The following PTGER3 variants were observed in gnomAD, a reference collection of about 807,000 sequenced individuals.
The protein encoded by PTGER3 is prostaglandin E receptor 3.
In PTGER3, 22 loss-of-function variants were observed where a neutral mutation model predicts 34.7. The ratio of observed to expected loss-of-function variants is 0.63; its 90% CI spans 0.45 to 0.91. The LOEUF (loss-of-function observed/expected upper bound fraction) is 0.91. Ranked by LOEUF, PTGER3 falls within the 40% of genes least tolerant of loss-of-function variation. The pLI is 0.00. For missense variants in PTGER3, 468 were observed against 519.4 expected, an observed-to-expected ratio of 0.90 and a Z score of 0.96; for synonymous variants, 241 against 230.1, an observed-to-expected ratio of 1.05 and a Z score of -0.43.
intron 4 of PTGER3, among the ~76,000 whole-genome samples, chr1:70,864,031 A>G (rs1645987737): frequency 6.6e-6 from 1 of 152,138 alleles, no homozygotes; most frequent in Non-Finnish European, 1.5e-5. Context: ...TTCTTTACAG[A>G]AATCGGGTAG....
At chr1:70,959,743 T>G (rs961624470) in intron 2 of PTGER3, among the ~76,000 whole-genome samples, 2 of 152,144 alleles carry the variant, frequency 1.3e-5, no homozygotes, top group East Asian at 3.9e-4. Context: ...TTTATTCAAT[T>G]TTTTAAACAC....
chr1:70,932,995 T>C (rs1648862987), intron 4 of PTGER3, among the ~76,000 whole-genome samples: 1 of 152,148 alleles, frequency 6.6e-6, no homozygotes, highest in African/African-American at 2.4e-5. Context: ...CTATACTAAA[T>C]TATATCAGTA....
chr1:70,941,298 C>T (rs1649740096), intron 4 of PTGER3, among the ~76,000 whole-genome samples: 1 of 151,994 alleles, frequency 6.6e-6, no homozygotes, highest in Non-Finnish European at 1.5e-5. Context: ...ATGGCTAAAC[C>T]ACTGCTTTCA....
At chr1:70,934,137 C>T (rs1317118220) in intron 4 of PTGER3, among the ~76,000 whole-genome samples, 1 of 152,104 alleles carries the variant, frequency 6.6e-6, no homozygotes, top group Admixed American at 6.6e-5. Flanking sequence ...ATTATCTTGA[C>T]AATATTGTAA....
In PTGER3 at chr1:70,938,815, A is replaced by T. The variant is rs118174190; in HGVS notation, c.*23+14948T>A. ...TCTCACATTAGGCTCCTTCCACAAC[A>T]GGTGGGAATTCTGGGAGATACAAGT... On this transcript the variant is annotated intron_variant, in intron 4 of 4. Transcript: ENST00000370931. Among the ~76,000 whole-genome samples, 250 of 152,312 alleles carry T rather than the reference A, an allele frequency of 1.6e-3. 2 individuals are homozygous for T. The East Asian group carries it at 0.029, about 17-fold the overall frequency.
intron 2 of PTGER3, among the ~76,000 whole-genome samples, chr1:70,989,529 G>A (rs1470651691): frequency 6.6e-6 from 1 of 152,080 alleles, no homozygotes. Flanking sequence ...TGAGCTACAT[G>A]TATGCAAATA....
intron 2 of PTGER3, among the ~76,000 whole-genome samples, chr1:70,976,792 G>A (rs1354710223): frequency 6.6e-6 from 1 of 152,096 alleles, no homozygotes; most frequent in Admixed American, 6.6e-5. Context: ...GACCTGTCCT[G>A]AAAGTATAAG....
exon 4 of PTGER3, chr1:70,952,857 A>G: frequency 3.9e-6 from 6 of 1,527,368 alleles, no homozygotes; most frequent in Non-Finnish European, 5.3e-6. Context: ...ACTCAGCTGG[A>G]GGAGCTTGCT....
chr1:71,010,644 G>A, intron 2 of PTGER3: 1 of 984,344 alleles, frequency 1.0e-6, no homozygotes, highest in Non-Finnish European at 1.2e-6. Flanking sequence ...TATACCCAAT[G>A]AGATGACCTA....
chr1:70,905,093 G>C (rs556872628), intron 4 of PTGER3, among the ~76,000 whole-genome samples: 8 of 152,258 alleles, frequency 5.3e-5, no homozygotes, highest in Non-Finnish European at 1.2e-4. Flanking sequence ...GAGGGTACAA[G>C]CTCCAAGCCT....
intron 2 of PTGER3, among the ~76,000 whole-genome samples, chr1:70,979,663 C>T (rs987376768): frequency 8.5e-5 from 13 of 152,124 alleles, no homozygotes; most frequent in African/African-American, 7.2e-5. Flanking sequence ...AGAATTCAAA[C>T]TGCCTGGAGA....
chr1:70,952,376 C>A (rs534316055), downstream of PTGER3: 99 of 971,334 alleles, frequency 1.0e-4, 2 homozygotes, highest in African/African-American at 1.6e-3. Context: ...TTTGTTAATT[C>A]AAGGTTAATG....
rs76782548 is a variant in PTGER3, at chr1:70,944,341, T to C, written c.*23+9422A>G. 1.9e-3 allele frequency among the ~76,000 whole-genome samples: 285 copies of C among 152,182 alleles called. 1 individual carries two copies. Among genetic ancestry groups the C allele is most frequent in the African/African-American group, 6.4e-3 (267 of 41,526 alleles). On this transcript the variant is annotated intron_variant, in intron 4 of 4. Coordinates refer to the PTGER3 transcript ENST00000370931. ...CAAAGCAATTTTTTTACCACTGAAA[T>C]TTCTCAAATAGTAAAGACAACAGCT... is the stretch of plus-strand genomic sequence containing the variant.
At chr1:71,012,245 TA>T (rs1657507168) in intron 2 of PTGER3, 59 bp downstream of exon 2, 1 of 1,613,738 alleles carries the variant, frequency 6.2e-7, no homozygotes, top group Non-Finnish European at 8.5e-7. Context: ...TTTCATTAGA[TA>T]ATGAGATAGG....
intron 1 of PTGER3, among the ~76,000 whole-genome samples, chr1:71,040,081 GAAGA>G (rs201855373): frequency 0.012 from 1,793 of 146,498 alleles, 36 homozygotes; most frequent in African/African-American, 0.041. Flanking sequence ...GGGAGGGAGG[GAAGA>G]AAGAAAGAAA....
chr1:70,951,931 A>G (rs191863169), downstream of PTGER3, among the ~76,000 whole-genome samples: 192 of 152,326 alleles, frequency 1.3e-3, 1 homozygote, highest in Non-Finnish European at 2.2e-3. Flanking sequence ...GAATATCAAG[A>G]AAAAATGCTT....
chr1:70,994,820 A>AT (rs959913659), intron 2 of PTGER3, among the ~76,000 whole-genome samples: 76 of 151,826 alleles, frequency 5.0e-4, no homozygotes, highest in African/African-American at 1.5e-3. Flanking sequence ...TATTTGTACT[A>AT]TTTTTTTTGG....
At chr1:70,852,906 G>A (rs1645713480) in intron 4 of PTGER3, 1 of 1,574,620 alleles carries the variant, frequency 6.4e-7, no homozygotes, top group South Asian at 1.1e-5. Flanking sequence ...TAAATGCACT[G>A]TTAATATCTT....
At chr1:70,921,054 T>C (rs1236274944) in intron 4 of PTGER3, among the ~76,000 whole-genome samples, 1 of 152,170 alleles carries the variant, frequency 6.6e-6, no homozygotes, top group African/African-American at 2.4e-5. Context: ...ATATCATCAT[T>C]TACATTATAA....
Sources: gnomAD v4.1 joint callset for allele counts (sites outside exome capture counted in the v4.1 genomes callset) on GRCh38, gnomAD v4.1.1 for gene constraint, MANE v1.5 for transcripts, NCBI Gene and HGNC (gene_info 2026-07-23, HGNC 2026-07-21) for gene names.